The following MIPEP variants were observed in gnomAD, a reference collection of about 807,000 sequenced individuals.
The protein encoded by MIPEP is mitochondrial intermediate peptidase.
A neutral mutation model predicts 90.3 loss-of-function variants in MIPEP; 79 were observed. The ratio of observed to expected loss-of-function variants is 0.87; its 90% CI spans 0.73 to 1.05. MIPEP has a LOEUF of 1.05. MIPEP is among the 50% of genes least tolerant of loss of function. MIPEP has a pLI of 0.00. For synonymous variants in MIPEP, 334 were observed against 315.8 expected, an observed-to-expected ratio of 1.06 and a Z score of -0.61; for missense variants, 940 against 905.6, an observed-to-expected ratio of 1.04 and a Z score of -0.49.
intron 1 of MIPEP, chr13:23,888,166 C>A: frequency 2.4e-6 from 1 of 418,116 alleles, no homozygotes; most frequent in South Asian, 1.8e-5. Flanking sequence ...TCAGGCTTCC[C>A]CTCACGTCTT....
chr13:23,850,918 TG>T (rs1181489256), intron 10 of MIPEP, among the ~76,000 whole-genome samples: 6 of 152,316 alleles, frequency 3.9e-5, no homozygotes, highest in African/African-American at 1.2e-4. Context: ...AGGTTAGCCC[TG>T]GAACAGGGAG....
Position 23,844,159 on chromosome 13 carries a change from T to C in MIPEP, c.1107-2671A>G, listed in dbSNP as rs547506535. Among the ~76,000 whole-genome samples, 12 of 112,504 alleles carry C rather than the reference T, an allele frequency of 1.1e-4. No homozygotes were observed. The South Asian group carries it at 3.6e-3, about 34-fold the overall frequency. 73.8% of individuals were successfully genotyped at this position (112,504 alleles called of 152,430 possible). On this transcript the variant is annotated intron_variant, in intron 10 of 18. Coordinates refer to ENST00000382172, the MANE Select transcript of MIPEP (RefSeq NM_005932.4). ...GAGCCATAGAGGGAGACAGGGCCAT[T>C]AGGGAAGGGCGATGCGGGCAGAGAA...
At chr13:23,833,720 C>A (rs989842267) in intron 14 of MIPEP, among the ~76,000 whole-genome samples, 2 of 152,100 alleles carry the variant, frequency 1.3e-5, no homozygotes, top group African/African-American at 4.8e-5. Context: ...AATTTCCACT[C>A]CAGATTTTAC....
At chr13:23,868,138 G>A (rs1870620641) in intron 7 of MIPEP, among the ~76,000 whole-genome samples, 1 of 152,008 alleles carries the variant, frequency 6.6e-6, no homozygotes. Flanking sequence ...GTGTTTTAAG[G>A]GTTCGGGGAC....
At chr13:23,804,579 A>T (rs1453424201) in intron 16 of MIPEP, among the ~76,000 whole-genome samples, 1 of 152,236 alleles carries the variant, frequency 6.6e-6, no homozygotes, top group African/African-American at 2.4e-5. Flanking sequence ...TGTAAGATTA[A>T]AAAATTAGTT....
intron 10 of MIPEP, among the ~76,000 whole-genome samples, chr13:23,845,732 G>T (rs1869507633): frequency 1.3e-5 from 2 of 152,122 alleles, no homozygotes; most frequent in South Asian, 4.1e-4. Flanking sequence ...ATTCCTACCT[G>T]CAGTGTATGA....
chr13:23,829,306 G>A (rs1868619192), intron 14 of MIPEP, among the ~76,000 whole-genome samples: 1 of 152,146 alleles, frequency 6.6e-6, no homozygotes, highest in Non-Finnish European at 1.5e-5. Context: ...CTTGAGGCCA[G>A]GAGTTTGAGA....
In MIPEP at chr13:23,889,309, G is replaced by A. The variant is rs541476983; in HGVS notation, c.12C>T (p.Val4=). The change falls in exon 1 of 19, where the codon GTC becomes GTT. Residue 4 remains valine (V), a synonymous_variant. Transcript: ENST00000382172. The stretch of plus-strand genomic sequence containing the variant: ...TGGCTCCCAAGCCGCCCAGCCTTCC[G>A]ACGCACAGCATTCTAGCACCAGAGC... MLC[V]GRLGGLGARA... is the part of the protein sequence containing the mutation. 8 of 1,348,392 alleles carry A rather than the reference G, an allele frequency of 5.9e-6. No individual in the cohort carries two copies. In the Admixed American group the frequency reaches 2.7e-4, roughly 46 times the overall value. The allele number at this position is 1,348,392 out of a possible 1,614,324, so 83.5% of individuals were successfully genotyped here.
chr13:23,818,289 G>A (rs1160424094), intron 14 of MIPEP, among the ~76,000 whole-genome samples: 1 of 151,964 alleles, frequency 6.6e-6, no homozygotes, highest in Non-Finnish European at 1.5e-5. Flanking sequence ...GCCTGGTGGC[G>A]GGTGCCTGTA....
chr13:23,800,335 T>C (rs958845830), intron 16 of MIPEP, among the ~76,000 whole-genome samples: 1 of 152,168 alleles, frequency 6.6e-6, no homozygotes, highest in Non-Finnish European at 1.5e-5. Flanking sequence ...AAATATTACA[T>C]TTTCTATTTC....
intron 18 of MIPEP, among the ~76,000 whole-genome samples, chr13:23,744,314 C>CT (rs1952362532): frequency 6.6e-6 from 1 of 152,232 alleles, no homozygotes; most frequent in Non-Finnish European, 1.5e-5. Flanking sequence ...ATAATATCTT[C>CT]TTTGAGCATC....
intron 16 of MIPEP, among the ~76,000 whole-genome samples, chr13:23,796,708 T>C (rs1218681101): frequency 6.6e-6 from 1 of 152,214 alleles, no homozygotes; most frequent in African/African-American, 2.4e-5. Flanking sequence ...AGAGGCATGT[T>C]TGAAAGTTAA....
chr13:23,854,042 T>C (rs1013567852), intron 10 of MIPEP, among the ~76,000 whole-genome samples: 9 of 151,466 alleles, frequency 5.9e-5, no homozygotes, highest in African/African-American at 1.9e-4. Flanking sequence ...ATCTTGGTAA[T>C]TGGCCAGGCG....
intron 18 of MIPEP, among the ~76,000 whole-genome samples, chr13:23,738,940 C>T (rs1400485247): frequency 2.0e-5 from 3 of 152,184 alleles, no homozygotes; most frequent in African/African-American, 4.8e-5. Context: ...GCTGCATGCT[C>T]GCCTTTAAGC....
intron 4 of MIPEP, 63 bp from the exon 5 acceptor site, chr13:23,874,972 GT>G: frequency 7.1e-7 from 1 of 1,402,474 alleles, no homozygotes; most frequent in African/African-American, 1.5e-5. Flanking sequence ...AAAAATTGTG[GT>G]TTTTTGTTAA....
At chr13:23,757,322 G>A (rs1235505924) in intron 17 of MIPEP, among the ~76,000 whole-genome samples, 1 of 151,986 alleles carries the variant, frequency 6.6e-6, no homozygotes, top group Non-Finnish European at 1.5e-5. Context: ...GATGGGGAGC[G>A]GCTGCAAATA....
Position 23,862,301 on chromosome 13 carries a change from C to G in MIPEP, c.1053+1G>C. The G allele has an allele frequency of 6.5e-7, 1 of 1,529,756 alleles. No individual in the cohort carries two copies. The highest frequency in any genetic ancestry group is 9.0e-7 in the Non-Finnish European group (1 of 1,112,838). The allele number at this position is 1,529,756 out of a possible 1,614,324, so 94.8% of individuals were successfully genotyped here. On this transcript the variant is annotated splice_donor_variant, in intron 9 of 18. Coordinates refer to ENST00000382172, the MANE Select transcript of MIPEP (RefSeq NM_005932.4). LOFTEE classifies it high-confidence loss of function. ...TAATAAAAATATTCCAACATACTTA[C>G]GGAATTTTGAGGATTCAGTTTCATT...
intron 14 of MIPEP, among the ~76,000 whole-genome samples, chr13:23,813,998 A>G (rs1319484001): frequency 6.6e-6 from 1 of 152,250 alleles, no homozygotes; most frequent in African/African-American, 2.4e-5. Context: ...TATAAATGAA[A>G]ATGCATTTAA....
At chr13:23,880,703 C>A (rs1391391788) in intron 3 of MIPEP, among the ~76,000 whole-genome samples, 1 of 152,216 alleles carries the variant, frequency 6.6e-6, no homozygotes, top group Admixed American at 6.5e-5. Context: ...CCCGTTCTGT[C>A]CCATTACGCA....
Sources: allele counts gnomAD v4.1 joint callset (sites outside exome capture counted in the v4.1 genomes callset), GRCh38; gene constraint gnomAD v4.1.1; transcripts MANE v1.5; gene names NCBI Gene and HGNC (gene_info 2026-07-23, HGNC 2026-07-21).